The following RBFOX3 variants were observed in gnomAD, a reference collection of about 807,000 sequenced individuals.
RBFOX3 encodes the protein RNA binding fox-1 homolog 3, also known as RNA binding protein fox-1 homolog 3.
In RBFOX3, 17 loss-of-function variants were observed where a neutral mutation model predicts 48.7. The ratio of observed to expected loss-of-function variants is 0.35; its 90% CI spans 0.24 to 0.52. The LOEUF is 0.52. Ranked by LOEUF, RBFOX3 falls within the 20% of genes least tolerant of loss-of-function variation. The pLI, the probability that RBFOX3 is intolerant of heterozygous loss-of-function variation, is 0.94. For missense variants in RBFOX3, 382 were observed against 497.5 expected, an observed-to-expected ratio of 0.77 and a Z score of 2.21; for synonymous variants, 212 against 209.5, an observed-to-expected ratio of 1.01 and a Z score of -0.10.
intron 4 of RBFOX3, among the ~76,000 whole-genome samples, chr17:79,126,833 G>T (rs544541085): frequency 1.3e-5 from 2 of 152,270 alleles, no homozygotes; most frequent in East Asian, 1.9e-4. Context: ...TAACGAGGAG[G>T]CTCCTTCAGT....
intron 1 of RBFOX3, among the ~76,000 whole-genome samples, chr17:79,569,995 TGGATA>T (rs2092609618): frequency 9.6e-6 from 1 of 104,526 alleles, no homozygotes; most frequent in Admixed American, 1.0e-4. Flanking sequence ...GATGGATGGA[TGGATA>T]GATGAGTTAT....
chr17:79,307,497 GA>G (rs11286053), intron 3 of RBFOX3, among the ~76,000 whole-genome samples: 45,046 of 152,124 alleles, frequency 0.3, 7,474 homozygotes, highest in African/African-American at 0.47. Context: ...TATACTCGCT[GA>G]TTTGCATTTT....
chr17:79,182,442 G>C (rs1030804180), intron 4 of RBFOX3, among the ~76,000 whole-genome samples: 2 of 152,198 alleles, frequency 1.3e-5, no homozygotes, highest in Non-Finnish European at 2.9e-5. Context: ...GAGGGGCCTG[G>C]GGGAGACGAG....
At chr17:79,550,931 A>G (rs2091083675) in intron 1 of RBFOX3, among the ~76,000 whole-genome samples, 1 of 152,270 alleles carries the variant, frequency 6.6e-6, no homozygotes. Flanking sequence ...ATTCTACATC[A>G]GTGCCATCCA....
At chr17:79,543,000 G>A (rs1225803052) in intron 1 of RBFOX3, among the ~76,000 whole-genome samples, 1 of 152,012 alleles carries the variant, frequency 6.6e-6, no homozygotes, top group Non-Finnish European at 1.5e-5. Flanking sequence ...TCCCGTGGCC[G>A]GTGGCTGCCA....
chr17:79,625,681 A>G, the RBFOX3 span, among the ~76,000 whole-genome samples: 3 of 142,042 alleles, frequency 2.1e-5, no homozygotes, highest in East Asian at 6.3e-4. Context: ...AATCCCAGCT[A>G]CTCAGGAGGC....
chr17:79,615,672 G>T, upstream of RBFOX3, among the ~76,000 whole-genome samples: 1 of 152,292 alleles, frequency 6.6e-6, no homozygotes, highest in Middle Eastern at 3.4e-3. Context: ...ACTGCCACCT[G>T]TGTAAGCTGA....
upstream of RBFOX3, among the ~76,000 whole-genome samples, chr17:79,613,112 G>A (rs1599294784): frequency 6.6e-6 from 1 of 152,346 alleles, no homozygotes; most frequent in Admixed American, 6.5e-5. Context: ...TGGAAGAGGG[G>A]TCCCTGCAAA....
rs1239910862 is a variant in RBFOX3, at chr17:79,249,324, C to G, written c.-73-13519G>C. 6.6e-6 allele frequency among the ~76,000 whole-genome samples: 1 copy of G among 152,166 alleles called. No homozygotes were observed. The highest frequency in any genetic ancestry group is 1.5e-5 in the Non-Finnish European group (1 of 68,028). ...GTCAGAGTCCACTCATAACCACCTC[C>G]CTCTGTTCCCTGTGTCTCGGCCCGC... On this transcript the variant is annotated intron_variant, in intron 3 of 14. Coordinates refer to ENST00000693108, the MANE Select transcript of RBFOX3 (RefSeq NM_001350451.2). The surrounding 1 kb of genome is among the most constrained non-coding windows in gnomAD (Gnocchi z 4.1).
At chr17:79,321,705 CTTTT>C (rs55633027) in intron 2 of RBFOX3, among the ~76,000 whole-genome samples, 2,440 of 134,100 alleles carry the variant, frequency 0.018, 36 homozygotes, top group Middle Eastern at 0.044. Flanking sequence ...AGGAATCTGG[CTTTT>C]TTTTTTTTTT....
chr17:79,303,729 C>G (rs549102887), intron 3 of RBFOX3, among the ~76,000 whole-genome samples: 1 of 152,216 alleles, frequency 6.6e-6, no homozygotes, highest in African/African-American at 2.4e-5. Context: ...AATTAATTAA[C>G]ATCACCTTCC....
At chr17:79,388,788 G>A (rs1358628988) in intron 2 of RBFOX3, among the ~76,000 whole-genome samples, 7 of 152,254 alleles carry the variant, frequency 4.6e-5, no homozygotes, top group East Asian at 1.9e-4. Flanking sequence ...GGAGCCTCTC[G>A]CCAAGCATCA....
intron 3 of RBFOX3, among the ~76,000 whole-genome samples, chr17:79,291,017 C>T (rs995709937): frequency 2.6e-5 from 4 of 152,186 alleles, no homozygotes; most frequent in African/African-American, 7.2e-5. Context: ...CCCAGTGCTT[C>T]CCACCCCTCT....
intron 3 of RBFOX3, among the ~76,000 whole-genome samples, chr17:79,258,245 G>C (rs1354722320): frequency 6.6e-6 from 1 of 152,220 alleles, no homozygotes; most frequent in African/African-American, 2.4e-5. Flanking sequence ...AGTGCAGGGA[G>C]CACCACACTG....
intron 4 of RBFOX3, among the ~76,000 whole-genome samples, chr17:79,218,893 C>T (rs2059383328): frequency 6.6e-6 from 1 of 152,248 alleles, no homozygotes; most frequent in African/African-American, 2.4e-5. Context: ...GTCAGCAAAG[C>T]ACAGCAGAGC....
Position 79,589,597 on chromosome 17 carries a change from C to T in RBFOX3, c.-320+21229G>A, listed in dbSNP as rs895063329. ...AGCCTCTTCCCTCCCAATCTCCTCCCTGCTGCCTGCCCAGGCTCCTGGAGC... is the reference window on the plus strand; with the variant it reads ...AGCCTCTTCCCTCCCAATCTCCTCCTTGCTGCCTGCCCAGGCTCCTGGAGC... On this transcript the variant is annotated intron_variant, in intron 1 of 14. Transcript: ENST00000693108. 5.3e-5 allele frequency among the ~76,000 whole-genome samples: 8 copies of T among 152,208 alleles called. No homozygotes were observed. The South Asian group carries it at 1.2e-3, about 24-fold the overall frequency.
At chr17:79,122,118 A>ACCC (rs2035913449) in intron 4 of RBFOX3, among the ~76,000 whole-genome samples, 1 of 151,936 alleles carries the variant, frequency 6.6e-6, no homozygotes, top group Non-Finnish European at 1.5e-5. Flanking sequence ...TTTGGCCCAC[A>ACCC]CACCACAAAC....
chr17:79,174,294 C>A (rs1363611357), intron 4 of RBFOX3, among the ~76,000 whole-genome samples: 3 of 150,938 alleles, frequency 2.0e-5, no homozygotes, highest in Admixed American at 2.0e-4. Context: ...ATACATGCCA[C>A]ATGCACACAA....
At chr17:79,325,883 A>G (rs2079228975) in intron 2 of RBFOX3, among the ~76,000 whole-genome samples, 1 of 152,172 alleles carries the variant, frequency 6.6e-6, no homozygotes, top group African/African-American at 2.4e-5. Flanking sequence ...GCCTCCTAGG[A>G]AAAACCCACC....
Sources: gnomAD v4.1 joint callset for allele counts (sites outside exome capture counted in the v4.1 genomes callset) on GRCh38, gnomAD v4.1.1 for gene constraint, Gnocchi (gnomAD v3.1) non-coding constraint, MANE v1.5 for transcripts, NCBI Gene and HGNC (gene_info 2026-07-23, HGNC 2026-07-21) for gene names.